RFX4: variants seen among roughly 807,000 people sequenced by gnomAD.
RFX4 encodes regulatory factor X4.
RFX4 carries 10 observed loss-of-function variants against 95.0 expected under a neutral mutation model. The ratio of observed to expected loss-of-function variants is 0.11; its 90% confidence interval spans 0.06 to 0.18. The LOEUF (loss-of-function observed/expected upper bound fraction) is 0.18. RFX4 is among the 10% of genes least tolerant of loss of function. The pLI is 1.00. For synonymous variants in RFX4, 321 were observed against 340.7 expected (o/e 0.94, Z 0.64); for missense variants, 640 against 922.0 (o/e 0.69, Z 3.96).
chr12:106,732,889 T>C (rs780663862), intron 14 of RFX4, 35 bp from the exon 15 acceptor site: 7 of 1,598,786 alleles, frequency 4.4e-6, no homozygotes, highest in African/African-American at 2.7e-5. Flanking sequence ...GCCTTTACAT[T>C]TGGTTTTAAA....
Position 106,732,192 on chromosome 12 carries a change from C to T in RFX4, c.1414C>T (p.His472Tyr). The change falls in exon 14 of 18, where the codon CAC becomes TAC. Residue 472 changes from histidine (H) to tyrosine (Y), a missense_variant. Coordinates refer to ENST00000392842, the MANE Select transcript of RFX4 (RefSeq NM_213594.3). ...CGTGCTCTACCTGTTAGAATCTCTG[C>T]ACTGTCAGGAGCGGGCCAATGAGCT... ...DYVLYLLESL[H>Y]CQERANELMR... 1.9e-6 allele frequency: 3 copies of T among 1,613,980 alleles called. No individual in the cohort carries two copies. Among genetic ancestry groups the T allele is most frequent in the Non-Finnish European group, 1.7e-6 (2 of 1,179,906 alleles).
Position 106,761,932 on chromosome 12 carries a change from T to C in RFX4, c.*463T>C, listed in dbSNP as rs902843286. 2.0e-5 allele frequency: 3 copies of C among 153,382 alleles called. No homozygotes were observed. The highest frequency in any genetic ancestry group is 6.5e-5 in the Admixed American group (1 of 15,300). The allele number at this position is 153,382 out of a possible 1,614,324, so 9.5% of individuals were successfully genotyped here. A position where few individuals can be genotyped will look rare whatever the true frequency, so the allele number is the denominator to read the frequency against. On this transcript the variant is annotated 3_prime_UTR_variant, in exon 18 of 18. Coordinates refer to ENST00000392842, the MANE Select transcript of RFX4 (RefSeq NM_213594.3). ...ATTCACCTTGCCATCTGTCTTGTCATTGTACTGTACAAGGAACAGCCCTCA... is the reference window on the plus strand; with the variant it reads ...ATTCACCTTGCCATCTGTCTTGTCACTGTACTGTACAAGGAACAGCCCTCA...
At chr12:106,627,756 G>A (rs1179970339) in intron 2 of RFX4, among the ~76,000 whole-genome samples, 3 of 152,174 alleles carry the variant, frequency 2.0e-5, no homozygotes, top group African/African-American at 4.8e-5. Context: ...GGAACTGCTC[G>A]GCCTTATCTG....
chr12:106,619,920 C>T (rs2040147339), intron 2 of RFX4, among the ~76,000 whole-genome samples: 1 of 151,888 alleles, frequency 6.6e-6, no homozygotes, highest in Non-Finnish European at 1.5e-5. Context: ...GTAGGTGGTC[C>T]AATTGATTCT....
chr12:106,612,948 G>A (rs572760638), intron 2 of RFX4, among the ~76,000 whole-genome samples: 3 of 152,000 alleles, frequency 2.0e-5, no homozygotes, highest in Admixed American at 6.6e-5. Flanking sequence ...TGGCTAGGAC[G>A]TCTAGTACTA....
At chr12:106,667,826 C>T (rs1158097428) in intron 4 of RFX4, among the ~76,000 whole-genome samples, 1 of 152,172 alleles carries the variant, frequency 6.6e-6, no homozygotes, top group African/African-American at 2.4e-5. Context: ...TTCTTATATA[C>T]AGAAAACCAG....
chr12:106,658,621 G>C (rs760703087), intron 4 of RFX4, among the ~76,000 whole-genome samples: 10 of 152,284 alleles, frequency 6.6e-5, no homozygotes, highest in Admixed American at 5.2e-4. Flanking sequence ...GGAGACAGTG[G>C]GGGAGGAAAG....
intron 2 of RFX4, among the ~76,000 whole-genome samples, chr12:106,618,832 T>G (rs1164572021): frequency 6.6e-6 from 1 of 152,172 alleles, no homozygotes; most frequent in Non-Finnish European, 1.5e-5. Context: ...CTTTTTAGCT[T>G]TTTGGGAAGG....
chr12:106,756,450 A>C (rs1393870188), intron 17 of RFX4, among the ~76,000 whole-genome samples: 1 of 152,112 alleles, frequency 6.6e-6, no homozygotes, highest in African/African-American at 2.4e-5. Context: ...TTATCAGCTA[A>C]TCACCCCCTC....
chr12:106,673,185 G>A (rs535537566), intron 4 of RFX4, among the ~76,000 whole-genome samples: 4 of 152,340 alleles, frequency 2.6e-5, no homozygotes, highest in East Asian at 3.9e-4. Flanking sequence ...GGCTAACTCC[G>A]TCAGTGAAGA....
chr12:106,673,615 T>C (rs1365378216), intron 4 of RFX4, among the ~76,000 whole-genome samples: 3 of 152,228 alleles, frequency 2.0e-5, no homozygotes, highest in African/African-American at 7.2e-5. Flanking sequence ...TTTAAGAACA[T>C]TGAAATGTGT....
chr12:106,678,733 T>A (rs983802020), intron 4 of RFX4, among the ~76,000 whole-genome samples: 1 of 152,258 alleles, frequency 6.6e-6, no homozygotes, highest in East Asian at 1.9e-4. Flanking sequence ...CAATTCTCTG[T>A]TATAAAACTA....
rs371927014 is a variant in RFX4 at position 106,641,967 on chromosome 12, C to CTATATCTATATCTATCTATA, written c.191+2578_191+2579insATCTATATCTATCTATATAT. ...TGTCTATATCTATCTATATCTATATCTATCTATATCTATATCTATATCTAT... is the reference window on the plus strand; with the variant it reads ...TGTCTATATCTATCTATATCTATATCTATATCTATATCTATCTATATATCTATATCTATATCTATATCTAT... On this transcript the variant is annotated intron_variant, in intron 3 of 17. Coordinates refer to ENST00000392842, the MANE Select transcript of RFX4 (RefSeq NM_213594.3). 1.8e-3 allele frequency among the ~76,000 whole-genome samples: 245 copies of CTATATCTATATCTATCTATA among 135,038 alleles called. 1 individual carries two copies. Among genetic ancestry groups the CTATATCTATATCTATCTATA allele is most frequent in the African/African-American group, 6.2e-3 (216 of 34,724 alleles). 88.6% of individuals were successfully genotyped at this position (135,038 alleles called of 152,430 possible). A position where few individuals can be genotyped will look rare whatever the true frequency, so the allele number is the denominator to read the frequency against.
At chr12:106,750,622 C>T in intron 16 of RFX4, 33 bp from the exon 17 acceptor site, 1 of 1,537,364 alleles carries the variant, frequency 6.5e-7, no homozygotes, top group South Asian at 1.3e-5. Flanking sequence ...CTTGCTATTA[C>T]TCACACTATT....
chr12:106,608,586 C>A (rs2039886832), intron 1 of RFX4, among the ~76,000 whole-genome samples: 1 of 152,200 alleles, frequency 6.6e-6, no homozygotes, highest in African/African-American at 2.4e-5. Context: ...TGCATCCAAA[C>A]TACTCAGCAG....
At chr12:106,623,650 A>G (rs2040231115) in intron 2 of RFX4, among the ~76,000 whole-genome samples, 1 of 152,202 alleles carries the variant, frequency 6.6e-6, no homozygotes, top group Admixed American at 6.5e-5. Context: ...CATGTTAAGA[A>G]TGCTTTGGCC....
At position 106,739,003 on chromosome 12, in the gene RFX4, GTTAA is replaced by G. The variant is rs776594317; in HGVS notation, c.1633+5921_1633+5924del. On this transcript the variant is annotated intron_variant, in intron 15 of 17. Transcript: ENST00000392842. The stretch of plus-strand genomic sequence containing the variant: ...ACTCAGCACATGGTTTTCATGCCCA[GTTAA>G]TTTTTATTTCTATTTTAAAATTATC... 1.7e-4 allele frequency among the ~76,000 whole-genome samples: 25 copies of G among 149,418 alleles called. No individual in the cohort carries two copies. In the East Asian group the frequency reaches 4.8e-3, roughly 29 times the overall value.
chr12:106,706,576 A>G (rs2042091335), intron 8 of RFX4, among the ~76,000 whole-genome samples: 1 of 152,246 alleles, frequency 6.6e-6, no homozygotes, highest in Non-Finnish European at 1.5e-5. Context: ...TGCCTAAAGA[A>G]ATTGTAACTG....
intron 4 of RFX4, among the ~76,000 whole-genome samples, chr12:106,667,205 A>G (rs1376441548): frequency 6.6e-6 from 1 of 151,886 alleles, no homozygotes; most frequent in African/African-American, 2.4e-5. Context: ...CCCTTCTTTC[A>G]CATGGAAGGT....
Sources: allele counts gnomAD v4.1 joint callset (sites outside exome capture counted in the v4.1 genomes callset), GRCh38; gene constraint gnomAD v4.1.1; transcripts MANE v1.5; gene names NCBI Gene and HGNC (gene_info 2026-07-23, HGNC 2026-07-21).